The following TANC2 variants were observed in gnomAD, a reference collection of about 807,000 sequenced individuals.
The protein encoded by TANC2 is protein TANC2.
In TANC2, 26 loss-of-function variants were observed where a neutral mutation model predicts 210.5. That is an observed-to-expected ratio of 0.12 (90% confidence interval 0.09 to 0.17). TANC2 has a LOEUF of 0.17. TANC2 is among the 10% of genes least tolerant of loss of function. The pLI is 1.00. For missense variants in TANC2, 2,129 were observed against 2,608.9 expected (o/e 0.82, Z 4.01); for synonymous variants, 931 against 967.1 (o/e 0.96, Z 0.69).
At chr17:63,290,860 A>G (rs539154842) in intron 9 of TANC2, among the ~76,000 whole-genome samples, 98 of 152,332 alleles carry the variant, frequency 6.4e-4, no homozygotes, top group African/African-American at 2.2e-3. Context: ...TCCATAAGCT[A>G]CAATGCATAT....
chr17:63,300,841 T>C (rs1396377355), intron 9 of TANC2, among the ~76,000 whole-genome samples: 2 of 152,228 alleles, frequency 1.3e-5, no homozygotes, highest in African/African-American at 2.4e-5. Flanking sequence ...AGAGAGGGCA[T>C]CCTTGTCTTG....
chr17:63,004,766 A>G, intron 1 of TANC2: 1 of 339,006 alleles, frequency 2.9e-6, no homozygotes, highest in Non-Finnish European at 5.7e-6. Flanking sequence ...TGGCATTTCC[A>G]TTTTCTGCAG....
intron 14 of TANC2, among the ~76,000 whole-genome samples, chr17:63,371,011 C>A (rs1196271104): frequency 2.6e-5 from 4 of 152,206 alleles, no homozygotes; most frequent in African/African-American, 9.6e-5. Context: ...CTCACTAGGT[C>A]TCTTTAAATA....
chr17:63,226,398 T>C (rs1307789373), intron 7 of TANC2, among the ~76,000 whole-genome samples: 2 of 152,160 alleles, frequency 1.3e-5, no homozygotes, highest in Non-Finnish European at 2.9e-5. Flanking sequence ...CGAGTTCTAG[T>C]CTGATCTGGA....
At chr17:63,180,088 G>A (rs188420550) in intron 5 of TANC2, among the ~76,000 whole-genome samples, 2 of 151,886 alleles carry the variant, frequency 1.3e-5, no homozygotes, top group Non-Finnish European at 2.9e-5. Flanking sequence ...GAGGCTGATC[G>A]TGTCACTGAA....
intron 5 of TANC2, among the ~76,000 whole-genome samples, chr17:63,160,851 T>A (rs1437692376): frequency 6.6e-6 from 1 of 152,226 alleles, no homozygotes; most frequent in African/African-American, 2.4e-5. Flanking sequence ...TGTGTTTGTC[T>A]CTTCACATGT....
chr17:63,197,920 G>A (rs1427997928), intron 6 of TANC2: 1 of 152,140 alleles, frequency 6.6e-6, no homozygotes, highest in Non-Finnish European at 1.5e-5. Context: ...TAAGTCATAA[G>A]CCATGAACAA....
chr17:63,255,108 T>A (rs989409885), intron 8 of TANC2, among the ~76,000 whole-genome samples: 111 of 142,372 alleles, frequency 7.8e-4, no homozygotes, highest in African/African-American at 3.1e-3. Context: ...TATTTATTTT[T>A]ATTTATTTAT....
In TANC2 at chr17:63,228,197, C is replaced by T. The variant is rs988911169; in HGVS notation, c.770-9617C>T. Among the ~76,000 whole-genome samples the T allele has an allele frequency of 3.9e-5, 6 of 152,276 alleles. No homozygotes were observed. In the East Asian group the frequency reaches 9.6e-4, roughly 24 times the overall value. On this transcript the variant is annotated intron_variant, in intron 7 of 27. Transcript: ENST00000689528. The stretch of plus-strand genomic sequence containing the variant: ...TTTATTAAGTAGGAAAGCCTTTCCC[C>T]ATTACTTGTTTTTGTTAGGTTTGTC...
intron 5 of TANC2, among the ~76,000 whole-genome samples, chr17:63,161,187 C>A (rs1235846612): frequency 6.6e-6 from 1 of 152,008 alleles, no homozygotes; most frequent in Non-Finnish European, 1.5e-5. Context: ...ATGGCAAAAC[C>A]CCATTTCTAC....
chr17:63,031,583 T>C (rs912994942), intron 2 of TANC2, among the ~76,000 whole-genome samples: 4 of 152,154 alleles, frequency 2.6e-5, no homozygotes, highest in African/African-American at 9.7e-5. Context: ...TCAGTTTTCC[T>C]TTCTGTTAAG....
At chr17:63,240,915 G>A (rs1186597815) in intron 8 of TANC2, among the ~76,000 whole-genome samples, 1 of 152,144 alleles carries the variant, frequency 6.6e-6, no homozygotes, top group African/African-American at 2.4e-5. Flanking sequence ...TGCAGCTATT[G>A]TGTATATGTG....
intron 2 of TANC2, among the ~76,000 whole-genome samples, chr17:63,016,676 T>G (rs2034124698): frequency 1.3e-5 from 2 of 152,182 alleles, no homozygotes; most frequent in South Asian, 4.1e-4. Flanking sequence ...ATTCTTTCTG[T>G]CATGGCATAA....
At chr17:63,174,976 A>C (rs879910605) in intron 5 of TANC2, among the ~76,000 whole-genome samples, 17 of 152,204 alleles carry the variant, frequency 1.1e-4, no homozygotes, top group Non-Finnish European at 2.2e-4. Context: ...TGTTAAGACC[A>C]ATTAAAGACA....
chr17:63,185,864 G>A (rs1031577678), intron 5 of TANC2, among the ~76,000 whole-genome samples: 1 of 152,074 alleles, frequency 6.6e-6, no homozygotes, highest in African/African-American at 2.4e-5. Flanking sequence ...TTGATTTGTA[G>A]TAGTTATCTC....
chr17:63,251,415 C>T (rs1415097352), intron 8 of TANC2, among the ~76,000 whole-genome samples: 3 of 152,070 alleles, frequency 2.0e-5, no homozygotes, highest in African/African-American at 7.2e-5. Context: ...CTAGGTACAA[C>T]TAGAAGAACA....
chr17:63,261,627 C>T (rs1172112606), intron 8 of TANC2, among the ~76,000 whole-genome samples: 3 of 152,166 alleles, frequency 2.0e-5, no homozygotes, highest in South Asian at 2.1e-4. Context: ...CTGGAATGAA[C>T]TGCCAATGCT....
At chr17:63,006,299 ACTTT>A (rs1234745248) in intron 1 of TANC2, among the ~76,000 whole-genome samples, 1 of 150,592 alleles carries the variant, frequency 6.6e-6, no homozygotes, top group African/African-American at 2.4e-5. Context: ...CCTTCCTTCT[ACTTT>A]CTTTGAGTTT....
chr17:63,350,654 G>T (rs932956557), intron 12 of TANC2, among the ~76,000 whole-genome samples: 2 of 152,126 alleles, frequency 1.3e-5, no homozygotes. Context: ...TTTAGGTATA[G>T]TCTAGGAAGC....
Sources: gnomAD v4.1 joint callset for allele counts (sites outside exome capture counted in the v4.1 genomes callset) on GRCh38, gnomAD v4.1.1 for gene constraint, MANE v1.5 for transcripts, NCBI Gene and HGNC (gene_info 2026-07-23, HGNC 2026-07-21) for gene names.